The following LEF1 variants were observed in gnomAD, a reference collection of about 807,000 sequenced individuals.
LEF1 encodes the protein lymphoid enhancer binding factor 1.
LEF1 carries 14 observed loss-of-function variants against 51.2 expected under a neutral mutation model. The observed-to-expected ratio is 0.27, with a 90% CI of 0.18 to 0.43. The LOEUF is 0.43. Among genes scored for constraint, LEF1 ranks in the 20% least tolerant of loss-of-function variants. The pLI is 1.00. For missense variants in LEF1, 386 were observed against 512.0 expected (o/e 0.75, Z 2.37); for synonymous variants, 185 against 183.2 (o/e 1.01, Z -0.08).
At position 108,115,844 on chromosome 4, in the gene LEF1, C is replaced by CCT. The variant is rs1475139958; in HGVS notation, c.415-26588_415-26587insAG. Among the ~76,000 whole-genome samples, 273 of 134,286 alleles carry CCT rather than the reference C, an allele frequency of 2.0e-3. 2 individuals are homozygous for CCT. Among genetic ancestry groups the CCT allele is most frequent in the African/African-American group, 7.4e-3 (256 of 34,754 alleles). The allele number at this position is 134,286 out of a possible 152,430, so 88.1% of individuals were successfully genotyped here. On this transcript the variant is annotated intron_variant, in intron 3 of 11. Coordinates refer to ENST00000265165, the MANE Select transcript of LEF1 (RefSeq NM_016269.5). ...TAAAAGGTCTGCCTATAATGTAACA[C>CCT]ATACACACACACACACACACACACA...
At chr4:108,079,442 A>G in intron 7 of LEF1, 50 bp downstream of exon 7, 1 of 1,601,802 alleles carries the variant, frequency 6.2e-7, no homozygotes, top group Non-Finnish European at 8.6e-7. Context: ...ACAGTGTAGA[A>G]ATCCTCAGTA....
chr4:108,121,736 CTTCATGCCTCATTCA>C (rs1190192457), intron 3 of LEF1, among the ~76,000 whole-genome samples: 2 of 152,240 alleles, frequency 1.3e-5, no homozygotes, highest in Admixed American at 6.5e-5. Flanking sequence ...TACAATCATT[CTTCATGCCTCATTCA>C]TTCTCTTTGA....
intron 3 of LEF1, among the ~76,000 whole-genome samples, chr4:108,115,348 G>A (rs992100013): frequency 8.5e-5 from 13 of 152,112 alleles, no homozygotes; most frequent in Admixed American, 3.3e-4. Context: ...GAAGCTACCC[G>A]CTCTCTCAGT....
chr4:108,087,752 T>C (rs913987226), intron 4 of LEF1, among the ~76,000 whole-genome samples: 2 of 152,240 alleles, frequency 1.3e-5, no homozygotes, highest in Non-Finnish European at 2.9e-5. Flanking sequence ...GCTCGGATGC[T>C]GGTCTGAGAT....
chr4:108,160,964 G>A (rs1384383143), intron 3 of LEF1, among the ~76,000 whole-genome samples: 3 of 152,072 alleles, frequency 2.0e-5, no homozygotes, highest in Non-Finnish European at 4.4e-5. Context: ...ACAAGCAATT[G>A]TTTGTAATGG....
rs1476903191 is a variant in LEF1 at position 108,134,584 on chromosome 4, C to G, written c.414+28984G>C. The stretch of plus-strand genomic sequence containing the variant: ...GTTATTCCAAATACATCAAGACATA[C>G]AGATGAAGGATTAAACTCTTATCAA... On this transcript the variant is annotated intron_variant, in intron 3 of 11. Transcript: ENST00000265165. 3.9e-5 allele frequency among the ~76,000 whole-genome samples: 6 copies of G among 152,206 alleles called. No homozygotes were observed. In the East Asian group the frequency reaches 1.2e-3, roughly 29 times the overall value.
intron 1 of LEF1, chr4:108,166,609 CTT>C (rs1234862098): frequency 1.8e-6 from 2 of 1,087,486 alleles, no homozygotes; most frequent in African/African-American, 3.3e-5. Flanking sequence ...CTGCTCCGCG[CTT>C]TCTCTAGCCA....
At chr4:108,140,144 T>C (rs2110369941) in intron 3 of LEF1, among the ~76,000 whole-genome samples, 1 of 152,314 alleles carries the variant, frequency 6.6e-6, no homozygotes, top group East Asian at 1.9e-4. Context: ...CGTCGAAGTC[T>C]GTGGCAAGTT....
chr4:108,048,588 G>T lies in LEF1; in HGVS notation c.*170C>A. The T allele has an allele frequency of 2.7e-6, 2 of 732,236 alleles. No individual in the cohort carries two copies. The highest frequency in any genetic ancestry group is 4.2e-6 in the Non-Finnish European group (2 of 471,804). 45.4% of individuals were successfully genotyped at this position (732,236 alleles called of 1,614,324 possible). A position where few individuals can be genotyped will look rare whatever the true frequency, so the allele number is the denominator to read the frequency against. ...GCAGTGATTGTCTTTATGGATCAGCGTCTCTAGCAGTGACCTCAGGGTAAA... is the reference window on the plus strand; with the variant it reads ...GCAGTGATTGTCTTTATGGATCAGCTTCTCTAGCAGTGACCTCAGGGTAAA... On this transcript the variant is annotated 3_prime_UTR_variant, in exon 12 of 12. Coordinates refer to ENST00000265165, the MANE Select transcript of LEF1 (RefSeq NM_016269.5).
chr4:108,137,714 T>C (rs1215999359), intron 3 of LEF1, among the ~76,000 whole-genome samples: 1 of 152,174 alleles, frequency 6.6e-6, no homozygotes. Flanking sequence ...AAATTTTAGA[T>C]CCTAATTTAT....
chr4:108,108,573 T>C (rs1270543054), intron 3 of LEF1, among the ~76,000 whole-genome samples: 1 of 152,124 alleles, frequency 6.6e-6, no homozygotes, highest in African/African-American at 2.4e-5. Context: ...GAACTGGGGA[T>C]ACTTCCATCA....
At chr4:108,155,873 G>A (rs1158794141) in intron 3 of LEF1, among the ~76,000 whole-genome samples, 1 of 152,008 alleles carries the variant, frequency 6.6e-6, no homozygotes, top group Non-Finnish European at 1.5e-5. Flanking sequence ...CCTAATTAAG[G>A]CTCAAAAATT....
At chr4:108,097,710 T>A (rs1168728314) in intron 3 of LEF1, among the ~76,000 whole-genome samples, 1 of 150,218 alleles carries the variant, frequency 6.7e-6, no homozygotes, top group African/African-American at 2.5e-5. Flanking sequence ...TATACATACC[T>A]ATTATGTACC....
chr4:108,165,358 T>G (rs1182939637), intron 1 of LEF1, 195 bp from the exon 2 acceptor site: 1 of 529,970 alleles, frequency 1.9e-6, no homozygotes, highest in Non-Finnish European at 3.3e-6. Flanking sequence ...TTTGAGTGAT[T>G]ATTATCCACC....
intron 3 of LEF1, among the ~76,000 whole-genome samples, chr4:108,146,832 C>T (rs1455491547): frequency 6.6e-6 from 1 of 152,148 alleles, no homozygotes; most frequent in Non-Finnish European, 1.5e-5. Flanking sequence ...TAAAACAACT[C>T]AAGAGAAATG....
chr4:108,050,202 T>C (rs1736889436), intron 11 of LEF1, among the ~76,000 whole-genome samples: 1 of 152,236 alleles, frequency 6.6e-6, no homozygotes, highest in Non-Finnish European at 1.5e-5. Flanking sequence ...TTTTCTATTC[T>C]CCTGGAAAAT....
chr4:108,068,266 T>TCAAAA (rs373744253), intron 9 of LEF1, among the ~76,000 whole-genome samples: 2,406 of 151,674 alleles, frequency 0.016, 42 homozygotes, highest in African/African-American at 0.046. Flanking sequence ...AATCTCTGTC[T>TCAAAA]CAAAACAAAA....
intron 3 of LEF1, among the ~76,000 whole-genome samples, chr4:108,132,685 T>TTG (rs1383252390): frequency 1.4e-5 from 2 of 139,506 alleles, no homozygotes; most frequent in African/African-American, 5.5e-5. Flanking sequence ...TTTTTTTTTT[T>TTG]GAGGCAGGGT....
chr4:108,148,429 G>A (rs1002358848), intron 3 of LEF1, among the ~76,000 whole-genome samples: 1 of 152,146 alleles, frequency 6.6e-6, no homozygotes, highest in African/African-American at 2.4e-5. Context: ...TACATATAAA[G>A]ACAGTCCTCT....
Sources: allele counts gnomAD v4.1 joint callset (sites outside exome capture counted in the v4.1 genomes callset), GRCh38; gene constraint gnomAD v4.1.1; transcripts MANE v1.5; gene names NCBI Gene and HGNC (gene_info 2026-07-23, HGNC 2026-07-21).